The following RBBP8 variants were observed in gnomAD, a reference collection of about 807,000 sequenced individuals.
The protein encoded by RBBP8 is DNA endonuclease RBBP8.
In RBBP8, 88 loss-of-function variants were observed where a neutral mutation model predicts 108.3. The observed-to-expected ratio is 0.81, with a 90% CI of 0.68 to 0.97. The LOEUF is 0.97. RBBP8 is among the 50% of genes least tolerant of loss of function. RBBP8 has a pLI of 0.00. For missense variants in RBBP8, 1,023 were observed against 1,049.0 expected, an observed-to-expected ratio of 0.98 and a Z score of 0.34; for synonymous variants, 332 against 348.2, an observed-to-expected ratio of 0.95 and a Z score of 0.52.
In RBBP8 at chr18:22,935,061, G is replaced by A. The variant is rs115452437; in HGVS notation, c.-99+1497G>A. Among the ~76,000 whole-genome samples the A allele has an allele frequency of 3.5e-3, 526 of 150,112 alleles. 4 individuals are homozygous for A. The highest frequency in any genetic ancestry group is 0.012 in the African/African-American group (513 of 41,088). ...GACTTTTATTCACAATTATATATAGGCCCATTTGTTTATCTGTTAGAGTTA... is the reference window on the plus strand; with the variant it reads ...GACTTTTATTCACAATTATATATAGACCCATTTGTTTATCTGTTAGAGTTA... On this transcript the variant is annotated intron_variant, in intron 1 of 18. Coordinates refer to ENST00000327155, the MANE Select transcript of RBBP8 (RefSeq NM_002894.3).
chr18:22,997,262 A>G (rs1453722805), intron 13 of RBBP8, among the ~76,000 whole-genome samples: 1 of 152,248 alleles, frequency 6.6e-6, no homozygotes, highest in Non-Finnish European at 1.5e-5. Flanking sequence ...ATGCCTATCA[A>G]GAAATTTAAT....
At position 22,996,439 on chromosome 18, in the gene RBBP8, GATGTTACTGTA is replaced by G. The variant is rs1464851589; in HGVS notation, c.2008_2018del (p.Val670ArgfsTer23). Reference sequence around the variant, plus strand: ...AGCAGACCTTTCTCAGTATAAAATGGATGTTACTGTAATAGATACAAAGGTAAGTTAAAAAG... The same window carrying G: ...AGCAGACCTTTCTCAGTATAAAATGGATAGATACAAAGGTAAGTTAAAAAG... On this transcript the variant is annotated frameshift_variant, in exon 13 of 19. Coordinates refer to ENST00000327155, the MANE Select transcript of RBBP8 (RefSeq NM_002894.3). LOFTEE classifies it high-confidence loss of function. 1.2e-6 allele frequency: 2 copies of G among 1,613,394 alleles called. No homozygotes were observed. The highest frequency in any genetic ancestry group is 1.7e-6 in the Non-Finnish European group (2 of 1,179,836).
In RBBP8 at chr18:22,993,145, T is replaced by C. The variant is rs142458738; in HGVS notation, c.1318T>C (p.Leu440=). The C allele has an allele frequency of 1.1e-4, 174 of 1,614,014 alleles. 1 individual carries two copies. In the African/African-American group the frequency reaches 1.2e-3, roughly 11 times the overall value. ...TAAACATTTGGAGCCCCTGAAATCA[T>C]TGGGAGGCCGAACATCCAAAAGGAA... ...TDKHLEPLKS[L]GGRTSKRKKT... The change falls in exon 11 of 19, where the codon TTG becomes CTG. Residue 440 remains leucine (L), a synonymous_variant. Transcript: ENST00000327155.
At position 23,019,760 on chromosome 18, in the gene RBBP8, A is replaced by AT. The variant is rs2046317455; in HGVS notation, c.2455-2369_2455-2368insT. ...GCCCTGGACCAAGGCAACATTTTATAATTTTTTTTTTTTTTTTTTGAGTTG... is the reference window on the plus strand; with the variant it reads ...GCCCTGGACCAAGGCAACATTTTATATATTTTTTTTTTTTTTTTTTGAGTTG... On this transcript the variant is annotated intron_variant, in intron 17 of 18. Transcript: ENST00000327155. 3.5e-5 allele frequency among the ~76,000 whole-genome samples: 4 copies of AT among 113,866 alleles called. No homozygotes were observed. In the South Asian group the frequency reaches 1.0e-3, roughly 29 times the overall value. The allele number at this position is 113,866 out of a possible 152,430, so 74.7% of individuals were successfully genotyped here. A position where few individuals can be genotyped will look rare whatever the true frequency, so the allele number is the denominator to read the frequency against.
intron 12 of RBBP8, 105 bp from the exon 13 acceptor site, chr18:22,996,269 T>A (rs1454931253): frequency 1.7e-5 from 26 of 1,525,952 alleles, no homozygotes; most frequent in Non-Finnish European, 1.9e-5. Flanking sequence ...TTACCAGACA[T>A]ATGATTTGCA....
At chr18:22,971,113 G>A (rs77175199) in intron 5 of RBBP8, among the ~76,000 whole-genome samples, 1 of 149,984 alleles carries the variant, frequency 6.7e-6, no homozygotes, top group Admixed American at 6.7e-5. Context: ...AGAAGCAGCA[G>A]CAAAAGGCTG....
Position 23,001,634 on chromosome 18 carries a change from C to T in RBBP8, c.2192C>T (p.Thr731Ile). The T allele has an allele frequency of 6.2e-7, 1 of 1,614,048 alleles. No individual in the cohort carries two copies. The highest frequency in any genetic ancestry group is 8.5e-7 in the Non-Finnish European group (1 of 1,179,986). ...NDSLEDMFDR[T>I]THEEYESCLA... ...AGCTTGGAAGATATGTTTGATCGGACAACACATGAAGAGTATGAATCCTGT... is the reference window on the plus strand; with the variant it reads ...AGCTTGGAAGATATGTTTGATCGGATAACACATGAAGAGTATGAATCCTGT... Residue 731 changes from threonine to isoleucine, a missense_variant, in exon 15 of 19, where the codon ACA becomes ATA. By Grantham distance (89) the Thr-to-Ile change is moderately conservative. Coordinates refer to ENST00000327155, the MANE Select transcript of RBBP8 (RefSeq NM_002894.3).
intron 15 of RBBP8, among the ~76,000 whole-genome samples, chr18:23,006,002 TG>T (rs1364792525): frequency 6.6e-6 from 1 of 151,696 alleles, no homozygotes; most frequent in Non-Finnish European, 1.5e-5. Flanking sequence ...CTGGCTAACA[TG>T]GTGAAACCCT....
In RBBP8 at chr18:23,017,067, A is replaced by G. The variant is rs557069590; in HGVS notation, c.2454+143A>G. 6.4e-5 allele frequency: 47 copies of G among 731,160 alleles called. No homozygotes were observed. The African/African-American group carries it at 8.1e-4, about 13-fold the overall frequency. 45.3% of individuals were successfully genotyped at this position (731,160 alleles called of 1,614,324 possible). On this transcript the variant is annotated intron_variant, in intron 17 of 18. Coordinates refer to ENST00000327155, the MANE Select transcript of RBBP8 (RefSeq NM_002894.3). ...AGGCGTAACAGCAGGAATAAGGAGT[A>G]TTCTGGGTCGGGTGCGGTGGCTCAT...
At chr18:22,928,641 C>T (rs12964304), upstream of RBBP8, among the ~76,000 whole-genome samples, 73,773 of 151,444 alleles carry the variant, frequency 0.49, 21,188 homozygotes, top group Middle Eastern at 0.65. Flanking sequence ...TTTAAAGAAA[C>T]TGATTTTTAA....
chr18:22,937,054 T>C (rs763191805), intron 2 of RBBP8, 94 bp downstream of exon 2: 1 of 1,560,644 alleles, frequency 6.4e-7, no homozygotes, highest in Non-Finnish European at 8.7e-7. Flanking sequence ...ATTATTTCTA[T>C]TTCAGCTTTT....
intron 16 of RBBP8, among the ~76,000 whole-genome samples, chr18:23,013,689 T>C (rs1375912701): frequency 6.6e-6 from 1 of 152,232 alleles, no homozygotes; most frequent in Non-Finnish European, 1.5e-5. Context: ...ATCTTTGTTT[T>C]AAAATAACCT....
upstream of RBBP8, among the ~76,000 whole-genome samples, chr18:22,930,960 G>A (rs977297116): frequency 6.6e-6 from 1 of 151,938 alleles, no homozygotes; most frequent in African/African-American, 2.4e-5. Context: ...TTTTAGAATA[G>A]GAGACAAGAT....
upstream of RBBP8, chr18:22,929,481 TGTGTGTGTGTGTGTGTGTGTGTGTGTG>T (rs1567939583): frequency 3.2e-4 from 2 of 6,170 alleles, no homozygotes; most frequent in South Asian, 8.6e-3. Context: ...TGTGTGTGTG[TGTGTGTGTGTGTGTGTGTGTGTGTGTG>T]TGAAGAGACA....
At position 22,956,949 on chromosome 18, in the gene RBBP8, A is replaced by AT. The variant is rs1007496096; in HGVS notation, c.248+7244dup. On this transcript the variant is annotated intron_variant, in intron 4 of 18. Coordinates refer to ENST00000327155, the MANE Select transcript of RBBP8 (RefSeq NM_002894.3). ...TGTGCTGGAGAAGTAGATAGAACGC[A>AT]TTTTTTTTGAAAATCTGAACAAAGA... Among the ~76,000 whole-genome samples the AT allele has an allele frequency of 4.9e-4, 74 of 152,080 alleles. 1 individual carries two copies. Among genetic ancestry groups the AT allele is most frequent in the South Asian group, 4.4e-3 (21 of 4,820 alleles).
intron 17 of RBBP8, among the ~76,000 whole-genome samples, chr18:23,020,282 G>A (rs548005422): frequency 2.0e-5 from 3 of 152,002 alleles, no homozygotes; most frequent in African/African-American, 4.8e-5. Flanking sequence ...TTAGCTGAGC[G>A]TGGTGGTGCA....
At chr18:23,016,801 T>G (rs2046262793) in intron 16 of RBBP8, 27 bp from the exon 17 acceptor site, 3 of 1,466,508 alleles carry the variant, frequency 2.0e-6, no homozygotes, top group Non-Finnish European at 2.9e-6. Flanking sequence ...CTCTAAGCTT[T>G]GTTAATTTAA....
chr18:22,999,145 A>T (rs541838198), intron 14 of RBBP8, among the ~76,000 whole-genome samples: 1 of 152,230 alleles, frequency 6.6e-6, no homozygotes, highest in Non-Finnish European at 1.5e-5. Flanking sequence ...GAAATTATAG[A>T]GATAATTTTG....
intron 17 of RBBP8, among the ~76,000 whole-genome samples, chr18:23,018,492 C>A (rs937755192): frequency 6.6e-6 from 1 of 152,170 alleles, no homozygotes; most frequent in Non-Finnish European, 1.5e-5. Flanking sequence ...GCTTCAGGAC[C>A]TACTGTGGAT....
Sources: allele counts gnomAD v4.1 joint callset (sites outside exome capture counted in the v4.1 genomes callset), GRCh38; gene constraint gnomAD v4.1.1; transcripts MANE v1.5; gene names NCBI Gene and HGNC (gene_info 2026-07-23, HGNC 2026-07-21).